The following NUDT3 variants were observed in gnomAD, a reference collection of about 807,000 sequenced individuals.
NUDT3 encodes the protein nudix hydrolase 3.
A neutral mutation model predicts 23.6 loss-of-function variants in NUDT3; 9 were observed. The observed-to-expected ratio is 0.38, with a 90% CI of 0.23 to 0.66. The LOEUF is 0.66. NUDT3 is among the 30% of genes least tolerant of loss of function. NUDT3 has a pLI of 0.52. For synonymous variants in NUDT3, 86 were observed against 82.6 expected (o/e 1.04, Z -0.22); for missense variants, 172 against 218.5 (o/e 0.79, Z 1.34).
intron 1 of NUDT3, among the ~76,000 whole-genome samples, chr6:34,387,673 T>TAAA (rs752125676): frequency 0.015 from 1,446 of 98,682 alleles, 37 homozygotes; most frequent in African/African-American, 0.053. Flanking sequence ...CATCTCTTTT[T>TAAA]AAAAAAAAAA....
chr6:34,379,203 T>G (rs546580123), intron 1 of NUDT3, among the ~76,000 whole-genome samples: 1 of 152,112 alleles, frequency 6.6e-6, no homozygotes, highest in Non-Finnish European at 1.5e-5. Context: ...AAAATTTAGA[T>G]TTGCTAAATG....
At chr6:34,368,094 G>A (rs1198731524) in intron 1 of NUDT3, among the ~76,000 whole-genome samples, 5 of 152,144 alleles carry the variant, frequency 3.3e-5, no homozygotes, top group African/African-American at 4.8e-5. Context: ...CCAGCTACTC[G>A]GGAGGCTGAG....
intron 1 of NUDT3, among the ~76,000 whole-genome samples, chr6:34,376,416 C>A (rs911995954): frequency 2.0e-5 from 3 of 152,078 alleles, no homozygotes; most frequent in Non-Finnish European, 4.4e-5. Flanking sequence ...GTAACTGGGA[C>A]TACAGGCATG....
chr6:34,341,360 C>A (rs2113734395), intron 2 of NUDT3, among the ~76,000 whole-genome samples: 1 of 152,062 alleles, frequency 6.6e-6, no homozygotes, highest in Middle Eastern at 3.4e-3. Flanking sequence ...GTATGTGGAA[C>A]ATCATGTGAC....
At chr6:34,312,401 CAAA>C (rs71000050) in intron 2 of NUDT3, among the ~76,000 whole-genome samples, 7 of 97,156 alleles carry the variant, frequency 7.2e-5, no homozygotes, top group East Asian at 2.9e-4. Flanking sequence ...GACTCATCAC[CAAA>C]AAAAAAAAAA....
At chr6:34,388,755 T>C (rs184563903) in intron 1 of NUDT3, among the ~76,000 whole-genome samples, 14 of 152,308 alleles carry the variant, frequency 9.2e-5, no homozygotes, top group Non-Finnish European at 1.5e-5. Flanking sequence ...CTTTAATACA[T>C]GCTTTTTGTT....
At chr6:34,358,330 GATTAATTTACA>G (rs1206059768) in intron 1 of NUDT3, among the ~76,000 whole-genome samples, 4 of 150,924 alleles carry the variant, frequency 2.7e-5, no homozygotes, top group Admixed American at 1.3e-4. Flanking sequence ...TGAATTTATA[GATTAATTTACA>G]ATAATCGACA....
rs1251721417 is a variant in NUDT3 at position 34,283,893 on chromosome 6, GA to G, written c.*4859del. 6.6e-6 allele frequency: 1 copy of G among 152,144 alleles called. No homozygotes were observed. The highest frequency in any genetic ancestry group is 1.9e-4 in the East Asian group (1 of 5,204). The allele number at this position is 152,144 out of a possible 1,614,324, so 9.4% of individuals were successfully genotyped here. On this transcript the variant is annotated 3_prime_UTR_variant, in exon 5 of 5. Transcript: ENST00000607016. ...TTTAGGTGATATCCCAAGTGACACA[GA>G]AACACAGCTCCTCCGGATGGTGAAG...
At position 34,341,837 on chromosome 6, in the gene NUDT3, T is replaced by C. The variant is rs539845983; in HGVS notation, c.210+25A>G. ...CAGGTTCATGATGACGAGGCACAGC[T>C]GTGCCCTCTCTTCTCCATGCATACC... On this transcript the variant is annotated intron_variant, in intron 2 of 4. Transcript: ENST00000607016. 11 of 1,606,178 alleles carry C rather than the reference T, an allele frequency of 6.8e-6. No individual in the cohort carries two copies. The East Asian group carries it at 2.2e-4, about 33-fold the overall frequency.
chr6:34,325,165 C>G (rs1764005750), intron 2 of NUDT3, among the ~76,000 whole-genome samples: 2 of 152,168 alleles, frequency 1.3e-5, no homozygotes, highest in African/African-American at 4.8e-5. Context: ...GTAAAACTGC[C>G]TCACACCACC....
chr6:34,380,147 G>A (rs998663024), intron 1 of NUDT3, among the ~76,000 whole-genome samples: 4 of 151,974 alleles, frequency 2.6e-5, no homozygotes, highest in African/African-American at 4.8e-5. Context: ...GCAACAGCGC[G>A]ATCTCGGCTC....
At position 34,288,141 on chromosome 6, in the gene NUDT3, T is replaced by TA. The variant is rs1405155370; in HGVS notation, c.*611dup. The TA allele has an allele frequency of 6.6e-6, 1 of 152,066 alleles. No homozygotes were observed. Among genetic ancestry groups the TA allele is most frequent in the Non-Finnish European group, 1.5e-5 (1 of 67,990 alleles). 9.4% of individuals were successfully genotyped at this position (152,066 alleles called of 1,614,324 possible). A position where few individuals can be genotyped will look rare whatever the true frequency, so the allele number is the denominator to read the frequency against. The stretch of plus-strand genomic sequence containing the variant: ...GCCACTAGCATCGAAAACAAAAAGG[T>TA]ATGTTAATTGTGAGGCTCTCAATTC... On this transcript the variant is annotated 3_prime_UTR_variant, in exon 5 of 5. Transcript: ENST00000607016.
chr6:34,379,972 A>G, intron 1 of NUDT3, among the ~76,000 whole-genome samples: 1 of 151,764 alleles, frequency 6.6e-6, no homozygotes, highest in East Asian at 1.9e-4. Flanking sequence ...GAGCCATTAC[A>G]CTCCAGCATG....
chr6:34,309,329 T>A (rs1763732766), intron 2 of NUDT3, among the ~76,000 whole-genome samples: 1 of 152,090 alleles, frequency 6.6e-6, no homozygotes. Flanking sequence ...AGCAGAAATC[T>A]CAAGAAAATT....
At chr6:34,302,110 C>A (rs2113701916) in intron 2 of NUDT3, among the ~76,000 whole-genome samples, 1 of 152,076 alleles carries the variant, frequency 6.6e-6, no homozygotes, top group South Asian at 2.1e-4. Flanking sequence ...TGGCTCACTG[C>A]AGCCTTGACC....
At chr6:34,289,855 G>C (rs1386272584) in intron 4 of NUDT3, among the ~76,000 whole-genome samples, 1 of 151,976 alleles carries the variant, frequency 6.6e-6, no homozygotes, top group Non-Finnish European at 1.5e-5. Flanking sequence ...CAATACCCTA[G>C]CACAACTGCC....
rs1377891439 is a variant in NUDT3, at chr6:34,378,747, C to A, written c.99+13517G>T. Among the ~76,000 whole-genome samples the A allele has an allele frequency of 2.6e-5, 4 of 152,192 alleles. No homozygotes were observed. The East Asian group carries it at 7.7e-4, about 29-fold the overall frequency. ...CCTTAGTCCCGCATCCACATGGCCA[C>A]ACCAGAGAAGAGAGCTAGGTGGAGG... On this transcript the variant is annotated intron_variant, in intron 1 of 4. Transcript: ENST00000607016.
At chr6:34,368,495 G>A (rs536808850) in intron 1 of NUDT3, among the ~76,000 whole-genome samples, 11 of 152,142 alleles carry the variant, frequency 7.2e-5, no homozygotes, top group Non-Finnish European at 1.6e-4. Flanking sequence ...GGTTTATTTG[G>A]CTGTCATTAA....
At chr6:34,383,821 C>T (rs1157756128) in intron 1 of NUDT3, among the ~76,000 whole-genome samples, 3 of 151,878 alleles carry the variant, frequency 2.0e-5, no homozygotes, top group Non-Finnish European at 4.4e-5. Context: ...CAAAAAATAA[C>T]GTAATGGAAG....
Sources: allele counts gnomAD v4.1 joint callset (sites outside exome capture counted in the v4.1 genomes callset), GRCh38; gene constraint gnomAD v4.1.1; transcripts MANE v1.5; gene names NCBI Gene and HGNC (gene_info 2026-07-23, HGNC 2026-07-21).